The following IPCEF1 variants were observed in gnomAD, a reference collection of about 807,000 sequenced individuals.
IPCEF1 encodes interactor protein for cytohesin exchange factors 1.
IPCEF1 carries 31 observed loss-of-function variants against 50.9 expected under a neutral mutation model. The ratio of observed to expected loss-of-function variants is 0.61; its 90% CI spans 0.46 to 0.82. The LOEUF (loss-of-function observed/expected upper bound fraction) is 0.82, where lower values mean the gene tolerates loss of function less well. Among genes scored for constraint, IPCEF1 ranks in the 40% least tolerant of loss-of-function variants. The probability of loss-of-function intolerance (pLI) is 0.00; values close to 1 mark genes in which losing one functional copy is unlikely to be tolerated. For synonymous variants in IPCEF1, 181 were observed against 192.0 expected (o/e 0.94, Z 0.47); for missense variants, 458 against 514.0 (o/e 0.89, Z 1.05).
intron 1 of IPCEF1, among the ~76,000 whole-genome samples, chr6:154,332,742 C>T (rs568148305): frequency 6.6e-6 from 1 of 152,240 alleles, no homozygotes; most frequent in African/African-American, 2.4e-5. Flanking sequence ...TCCTCCAAGC[C>T]TAAGATTAGT....
chr6:154,260,110 G>A (rs1781559144), intron 3 of IPCEF1, among the ~76,000 whole-genome samples: 1 of 152,172 alleles, frequency 6.6e-6, no homozygotes, highest in Non-Finnish European at 1.5e-5. Flanking sequence ...TGCTTTGTGA[G>A]TGGCGAATGC....
intron 1 of IPCEF1, among the ~76,000 whole-genome samples, chr6:154,324,644 C>T (rs1783474906): frequency 6.6e-6 from 1 of 151,930 alleles, no homozygotes; most frequent in African/African-American, 2.4e-5. Context: ...CCTGTCTTTA[C>T]TAAAAATACA....
intron 9 of IPCEF1, among the ~76,000 whole-genome samples, chr6:154,209,117 A>G (rs1777747375): frequency 6.6e-6 from 1 of 152,218 alleles, no homozygotes; most frequent in African/African-American, 2.4e-5. Flanking sequence ...TTGACTCTAT[A>G]GCAATTAGAA....
At chr6:154,253,226 C>T (rs1430781709) in intron 3 of IPCEF1, among the ~76,000 whole-genome samples, 2 of 152,020 alleles carry the variant, frequency 1.3e-5, no homozygotes, top group African/African-American at 4.8e-5. Context: ...CTTGTAGAGA[C>T]AGGGTCTCGC....
chr6:154,342,069 A>C (rs1373477056), intron 1 of IPCEF1, among the ~76,000 whole-genome samples: 1 of 152,166 alleles, frequency 6.6e-6, no homozygotes, highest in East Asian at 1.9e-4. Flanking sequence ...CTCCCATAGA[A>C]AGGCAAAAGG....
intron 1 of IPCEF1, among the ~76,000 whole-genome samples, chr6:154,333,617 T>A (rs758566604): frequency 1.6e-4 from 23 of 145,500 alleles, no homozygotes; most frequent in Middle Eastern, 3.7e-3. Flanking sequence ...CAAGTATACA[T>A]ATATACGTAC....
intron 1 of IPCEF1, among the ~76,000 whole-genome samples, chr6:154,295,163 A>G (rs940232180): frequency 3.3e-5 from 5 of 151,890 alleles, no homozygotes; most frequent in African/African-American, 7.3e-5. Context: ...GCGCCACTGC[A>G]CTCCAGCCTG....
At chr6:154,247,626 G>T (rs904917340) in intron 3 of IPCEF1, 138 bp from the exon 4 acceptor site, 2 of 619,662 alleles carry the variant, frequency 3.2e-6, no homozygotes, top group Non-Finnish European at 5.7e-6. Context: ...AGAGCTTAAC[G>T]GGGAGCTACT....
At position 154,312,416 on chromosome 6, in the gene IPCEF1, G is replaced by T. The variant is rs544925635; in HGVS notation, c.-61-22660C>A. ...GGCTGGAGTGCAGTGTCACGATCTC[G>T]GCTCACTGTAACCTCCACCTCCTGG... On this transcript the variant is annotated intron_variant, in intron 1 of 11. Transcript: ENST00000367220. 3.0e-4 allele frequency among the ~76,000 whole-genome samples: 45 copies of T among 151,924 alleles called. 1 individual carries two copies. In the South Asian group the frequency reaches 6.7e-3, roughly 23 times the overall value.
At chr6:154,315,026 A>G (rs1225902753) in intron 1 of IPCEF1, among the ~76,000 whole-genome samples, 1 of 152,056 alleles carries the variant, frequency 6.6e-6, no homozygotes, top group African/African-American at 2.4e-5. Context: ...GATTACAGGC[A>G]TGTGCTACCA....
intron 5 of IPCEF1, among the ~76,000 whole-genome samples, chr6:154,228,136 G>T (rs1779414912): frequency 1.3e-5 from 2 of 151,566 alleles, no homozygotes; most frequent in Non-Finnish European, 2.9e-5. Flanking sequence ...TTGTTGAATG[G>T]GATCCTTCTT....
intron 1 of IPCEF1, among the ~76,000 whole-genome samples, chr6:154,348,053 G>A (rs533580199): frequency 6.6e-6 from 1 of 152,262 alleles, no homozygotes; most frequent in African/African-American, 2.4e-5. Context: ...CCCACTTACT[G>A]TGTTTTGGTG....
intron 2 of IPCEF1, among the ~76,000 whole-genome samples, chr6:154,286,235 C>G (rs1782356066): frequency 6.6e-6 from 1 of 152,118 alleles, no homozygotes; most frequent in Non-Finnish European, 1.5e-5. Context: ...AGGACAAATA[C>G]CTAATGCATG....
intron 1 of IPCEF1, among the ~76,000 whole-genome samples, chr6:154,335,132 G>A (rs145790079): frequency 4.6e-5 from 7 of 152,190 alleles, no homozygotes; most frequent in African/African-American, 1.4e-4. Flanking sequence ...GGGCAACATA[G>A]TGAGACCCTG....
At chr6:154,247,689 GA>G (rs779004360) in intron 3 of IPCEF1, 36,211 of 335,986 alleles carry the variant, frequency 0.11, no homozygotes, top group East Asian at 0.14. Flanking sequence ...AGCTGAACCT[GA>G]AAAAAAAAAA....
intron 5 of IPCEF1, among the ~76,000 whole-genome samples, chr6:154,244,485 C>T (rs1780875160): frequency 6.6e-6 from 1 of 152,196 alleles, no homozygotes; most frequent in East Asian, 1.9e-4. Flanking sequence ...TATTCAAGTA[C>T]ATGCTTTGCA....
intron 10 of IPCEF1, among the ~76,000 whole-genome samples, chr6:154,187,635 T>G (rs980312202): frequency 3.5e-4 from 53 of 152,334 alleles, no homozygotes; most frequent in African/African-American, 1.2e-3. Context: ...TATATATGGC[T>G]TGGCTCACAT....
At chr6:154,192,460 G>C (rs572324673) in intron 10 of IPCEF1, among the ~76,000 whole-genome samples, 1 of 152,138 alleles carries the variant, frequency 6.6e-6, no homozygotes, top group South Asian at 2.1e-4. Flanking sequence ...CAGAAGAAAT[G>C]ATGAAGCATA....
intron 1 of IPCEF1, among the ~76,000 whole-genome samples, chr6:154,340,273 C>G (rs900280015): frequency 6.6e-6 from 1 of 151,694 alleles, no homozygotes; most frequent in East Asian, 2.0e-4. Flanking sequence ...ATTTTTGAGA[C>G]GGAGTCTTGC....
Sources: gnomAD v4.1 joint callset for allele counts (sites outside exome capture counted in the v4.1 genomes callset) on GRCh38, gnomAD v4.1.1 for gene constraint, MANE v1.5 for transcripts, NCBI Gene and HGNC (gene_info 2026-07-23, HGNC 2026-07-21) for gene names.